The following RABGAP1L variants were observed in gnomAD, a reference collection of about 807,000 sequenced individuals.
RABGAP1L encodes RAB GTPase activating protein 1 like.
A neutral mutation model predicts 137.7 loss-of-function variants in RABGAP1L; 63 were observed. The ratio of observed to expected loss-of-function variants is 0.46; its 90% confidence interval spans 0.37 to 0.56. RABGAP1L has a LOEUF of 0.56. Ranked by LOEUF, RABGAP1L falls within the 20% of genes least tolerant of loss-of-function variation. The probability of loss-of-function intolerance (pLI) is 0.00; values close to 1 mark genes in which losing one functional copy is unlikely to be tolerated. For missense variants in RABGAP1L, 1,095 were observed against 1,244.0 expected, an observed-to-expected ratio of 0.88 and a Z score of 1.80; for synonymous variants, 431 against 433.7, an observed-to-expected ratio of 0.99 and a Z score of 0.08.
intron 19 of RABGAP1L, among the ~76,000 whole-genome samples, chr1:174,930,679 C>G (rs1372767415): frequency 1.3e-5 from 2 of 152,164 alleles, no homozygotes; most frequent in Admixed American, 1.3e-4. Context: ...CCGTGAACAT[C>G]CACGTAGTCA....
chr1:174,596,766 G>T (rs1460956223), intron 13 of RABGAP1L, among the ~76,000 whole-genome samples: 2 of 152,126 alleles, frequency 1.3e-5, no homozygotes, highest in Non-Finnish European at 2.9e-5. Context: ...AATAACGGTG[G>T]TGAAAGTGGG....
chr1:174,924,136 C>T (rs1438070997), intron 19 of RABGAP1L, among the ~76,000 whole-genome samples: 2 of 152,050 alleles, frequency 1.3e-5, no homozygotes, highest in Non-Finnish European at 2.9e-5. Flanking sequence ...CACCTGTAAT[C>T]CCAGCACTTT....
chr1:174,318,616 CTTTCTTTCTTTCTTTCTT>C (rs1198308868), intron 11 of RABGAP1L, among the ~76,000 whole-genome samples: 1 of 144,610 alleles, frequency 6.9e-6, no homozygotes, highest in African/African-American at 2.6e-5. Flanking sequence ...TTCTTTCTTT[CTTTCTTTCTTTCTTTCTT>C]TTTCTTTCTT....
chr1:174,277,714 GAA>G (rs1450292426), intron 9 of RABGAP1L, among the ~76,000 whole-genome samples: 4 of 152,042 alleles, frequency 2.6e-5, no homozygotes, highest in African/African-American at 9.7e-5. Context: ...CCTGAGAGAT[GAA>G]AAGTCTTGGA....
intron 19 of RABGAP1L, among the ~76,000 whole-genome samples, chr1:174,833,368 T>TTG (rs71117578): frequency 0.038 from 4,165 of 108,408 alleles, 174 homozygotes; most frequent in African/African-American, 0.099. Context: ...ACCAGCTAAT[T>TTG]TGTGTGTGTG....
chr1:174,249,650 C>CTT (rs758531270), intron 5 of RABGAP1L, among the ~76,000 whole-genome samples: 5 of 124,504 alleles, frequency 4.0e-5, no homozygotes, highest in African/African-American at 1.2e-4. Context: ...TTCTTTCTTT[C>CTT]TTTTTTTTTT....
intron 19 of RABGAP1L, among the ~76,000 whole-genome samples, chr1:174,856,505 C>T (rs1649332267): frequency 6.6e-6 from 1 of 151,900 alleles, no homozygotes; most frequent in African/African-American, 2.4e-5. Context: ...TTAGACTAAC[C>T]AATTACACAT....
At chr1:174,860,697 A>T (rs945975984) in intron 19 of RABGAP1L, among the ~76,000 whole-genome samples, 1 of 152,148 alleles carries the variant, frequency 6.6e-6, no homozygotes, top group African/African-American at 2.4e-5. Context: ...TATTGAATTG[A>T]TATAGTAAGA....
At chr1:174,425,684 G>A (rs1370477452) in intron 13 of RABGAP1L, among the ~76,000 whole-genome samples, 3 of 151,954 alleles carry the variant, frequency 2.0e-5, no homozygotes, top group African/African-American at 7.2e-5. Context: ...TATTAATGAT[G>A]CGGTTTAGAC....
rs548732139 is a variant in RABGAP1L, at chr1:174,501,322, T to C, written c.1710+107177T>C. Among the ~76,000 whole-genome samples, 7 of 152,020 alleles carry C rather than the reference T, an allele frequency of 4.6e-5. No individual in the cohort carries two copies. In the South Asian group the frequency reaches 1.5e-3, roughly 32 times the overall value. On this transcript the variant is annotated intron_variant, in intron 13 of 25. Transcript: ENST00000681986. ...TCTGCCTCCCGGGTTCAAGCGATTC[T>C]GCTGCCTCAGTCTCCTGAGTAGCTG...
chr1:174,863,676 A>G (rs1243097701), intron 19 of RABGAP1L, among the ~76,000 whole-genome samples: 1 of 146,546 alleles, frequency 6.8e-6, no homozygotes, highest in Non-Finnish European at 1.5e-5. Context: ...CCGTCTTAAA[A>G]AAAAAAAAAA....
intron 7 of RABGAP1L, among the ~76,000 whole-genome samples, chr1:174,271,403 C>T (rs978684543): frequency 1.3e-5 from 2 of 152,050 alleles, no homozygotes; most frequent in African/African-American, 4.8e-5. Flanking sequence ...TTAGCTGCCA[C>T]TATTTTGAAA....
chr1:174,186,092 C>T (rs1277399639), intron 1 of RABGAP1L, among the ~76,000 whole-genome samples: 6 of 149,044 alleles, frequency 4.0e-5, no homozygotes, highest in East Asian at 2.0e-4. Flanking sequence ...TGCGGTGAGC[C>T]GAGATTGCGC....
intron 17 of RABGAP1L, 97 bp downstream of exon 17, chr1:174,702,353 A>G: frequency 9.0e-7 from 1 of 1,113,750 alleles, no homozygotes; most frequent in Non-Finnish European, 1.2e-6. Context: ...CTGTGACATT[A>G]AGCCATAAAT....
At chr1:174,178,571 T>G (rs1666083958) in intron 1 of RABGAP1L, among the ~76,000 whole-genome samples, 1 of 152,116 alleles carries the variant, frequency 6.6e-6, no homozygotes, top group African/African-American at 2.4e-5. Flanking sequence ...AGCAAAGACT[T>G]GGAATGAACC....
At chr1:174,903,420 A>C (rs907132614) in intron 19 of RABGAP1L, among the ~76,000 whole-genome samples, 5 of 152,146 alleles carry the variant, frequency 3.3e-5, no homozygotes, top group African/African-American at 1.2e-4. Context: ...CAGATAATGC[A>C]TTTTTCTTTA....
At chr1:174,208,216 T>C (rs375984131) in intron 1 of RABGAP1L, among the ~76,000 whole-genome samples, 80 of 152,262 alleles carry the variant, frequency 5.3e-4, no homozygotes, top group African/African-American at 1.7e-3. Flanking sequence ...TTTTGTATAT[T>C]GACCTTGTAT....
chr1:174,355,451 T>C (rs1306625741), intron 11 of RABGAP1L, among the ~76,000 whole-genome samples: 1 of 119,416 alleles, frequency 8.4e-6, no homozygotes, highest in Non-Finnish European at 1.6e-5. Context: ...CATCACACTC[T>C]GGGGACTGTT....
intron 18 of RABGAP1L, among the ~76,000 whole-genome samples, chr1:174,810,878 C>A (rs1168176160): frequency 6.6e-6 from 1 of 151,858 alleles, no homozygotes; most frequent in Non-Finnish European, 1.5e-5. Flanking sequence ...TGGGAAGATA[C>A]CCTGAGCCCA....
Sources: allele counts gnomAD v4.1 joint callset (sites outside exome capture counted in the v4.1 genomes callset), GRCh38; gene constraint gnomAD v4.1.1; transcripts MANE v1.5; gene names NCBI Gene and HGNC (gene_info 2026-07-23, HGNC 2026-07-21).